MYO9B: variants seen among roughly 807,000 people sequenced by gnomAD.
MYO9B encodes myosin IXB.
Under a neutral mutation model 229.5 loss-of-function variants are expected in MYO9B, and 71 were observed. The observed-to-expected ratio is 0.31, with a 90% CI of 0.26 to 0.38. The LOEUF is 0.38. Ranked by LOEUF, MYO9B falls within the 10% of genes least tolerant of loss-of-function variation. MYO9B has a pLI of 1.00. For missense variants in MYO9B, 2,255 were observed against 2,920.5 expected (o/e 0.77, Z 5.25); for synonymous variants, 1,185 against 1,235.8 (o/e 0.96, Z 0.86).
chr19:17,189,473 A>G (rs1174972807), intron 19 of MYO9B, among the ~76,000 whole-genome samples: 2 of 151,278 alleles, frequency 1.3e-5, no homozygotes, highest in African/African-American at 2.4e-5. Flanking sequence ...CCGTCTCCAC[A>G]TAAAAATACA....
At position 17,195,024 on chromosome 19, in the gene MYO9B, A is replaced by G; in HGVS notation, c.3597A>G (p.Glu1199=). Residue 1199 remains glutamate, a synonymous_variant, in exon 22 of 40, where the codon GAA becomes GAG. Transcript: ENST00000682292. This position sits in a 1 kb window ranked among gnomAD's most constrained non-coding sequence, Gnocchi z 4.5. ...SLLEDKKESR[E]DETLLVVETE... ...TGGAAGACAAAAAGGAGAGCAGAGA[A>G]GATGAAACCCTTCTAGTCGTAGAGA... The G allele has an allele frequency of 6.2e-7, 1 of 1,613,208 alleles. No individual in the cohort carries two copies. The highest frequency in any genetic ancestry group is 8.5e-7 in the Non-Finnish European group (1 of 1,179,884).
chr19:17,113,861 C>T (rs77496210), intron 2 of MYO9B, among the ~76,000 whole-genome samples: 2,751 of 152,228 alleles, frequency 0.018, 39 homozygotes, highest in South Asian at 0.044. Flanking sequence ...GACGAGAAAG[C>T]AGAATAAGCC....
At chr19:17,135,268 A>G (rs1011210182) in intron 2 of MYO9B, among the ~76,000 whole-genome samples, 1 of 95,536 alleles carries the variant, frequency 1.0e-5, no homozygotes, top group African/African-American at 6.0e-5. Flanking sequence ...ATTATAAAAG[A>G]AAAAAAAATG....
intron 10 of MYO9B, among the ~76,000 whole-genome samples, chr19:17,165,710 G>A (rs1016389095): frequency 6.6e-6 from 1 of 152,166 alleles, no homozygotes; most frequent in Non-Finnish European, 1.5e-5. Flanking sequence ...AGGAGTTTGA[G>A]GCTACAGTGA....
chr19:17,110,042 C>CT (rs1334701671), intron 2 of MYO9B, among the ~76,000 whole-genome samples: 2 of 152,154 alleles, frequency 1.3e-5, no homozygotes, highest in African/African-American at 4.8e-5. Flanking sequence ...CCTCTCTGCT[C>CT]TCCCCTCTCT....
rs1169062788 is a variant in MYO9B at position 17,148,818 on chromosome 19, A to G, written c.935+3327A>G. ...AGGTTGGTCTCAAACTCCTGGCCTCAAGTGATCCGCCTGCCTCGGCCTCCC... is the reference window on the plus strand; with the variant it reads ...AGGTTGGTCTCAAACTCCTGGCCTCGAGTGATCCGCCTGCCTCGGCCTCCC... On this transcript the variant is annotated intron_variant, in intron 3 of 39. Transcript: ENST00000682292. Among the ~76,000 whole-genome samples the G allele has an allele frequency of 4.6e-5, 7 of 152,216 alleles. No individual in the cohort carries two copies. In the East Asian group the frequency reaches 1.4e-3, roughly 29 times the overall value.
rs1275231049 is a variant in MYO9B at position 17,169,809 on chromosome 19, T to TCC, written c.1793+1745_1793+1746insCC. The stretch of plus-strand genomic sequence containing the variant: ...TCTCAATCCTGTCTCCTCCTTTTTT[T>TCC]TTTTTTTTTTTTTTTTTTTTTTGAG... On this transcript the variant is annotated intron_variant, in intron 11 of 39. Transcript: ENST00000682292. Among the ~76,000 whole-genome samples, 35 of 131,240 alleles carry TCC rather than the reference T, an allele frequency of 2.7e-4. 3 individuals are homozygous for TCC. The highest frequency in any genetic ancestry group is 7.6e-4 in the African/African-American group (27 of 35,412). 86.1% of individuals were successfully genotyped at this position (131,240 alleles called of 152,430 possible). A position where few individuals can be genotyped will look rare whatever the true frequency, so the allele number is the denominator to read the frequency against.
intron 2 of MYO9B, among the ~76,000 whole-genome samples, chr19:17,119,368 C>T (rs148358541): frequency 4.5e-4 from 69 of 152,276 alleles, no homozygotes; most frequent in African/African-American, 1.6e-3. Flanking sequence ...CTCTCTTCAG[C>T]GACCCTGTGT....
At chr19:17,192,285 A>G (rs1439518023) in intron 20 of MYO9B, among the ~76,000 whole-genome samples, 3 of 34,258 alleles carry the variant, frequency 8.8e-5, no homozygotes, top group Non-Finnish European at 1.3e-4. Context: ...CTCCATCTCA[A>G]AAAAAAAAAA....
At chr19:17,096,970 G>A (rs975237702) in intron 1 of MYO9B, among the ~76,000 whole-genome samples, 2 of 146,960 alleles carry the variant, frequency 1.4e-5, no homozygotes, top group Non-Finnish European at 3.1e-5. Context: ...GATTACAGGC[G>A]TGAGCCACCA....
rs201009683 is a variant in MYO9B, at chr19:17,212,276, G to T, written c.6440G>T (p.Cys2147Phe). 552 of 1,549,664 alleles carry T rather than the reference G, an allele frequency of 3.6e-4. 1 individual carries two copies. The highest frequency in any genetic ancestry group is 1.9e-3 in the Middle Eastern group (11 of 5,844). ...AGGTACTCGGATCCCCCAACGTACT[G>T]CCTGCCCCCCGCCTCGGGCCAGACC... is the stretch of plus-strand genomic sequence containing the variant. The part of the protein sequence containing the change: ...KRRYSDPPTY[C>F]LPPASGQTNG The change falls in exon 40 of 40, where the codon TGC becomes TTC. Residue 2147 changes from cysteine to phenylalanine, a missense_variant. Around this residue, in one of 7 missense-constraint regions of MYO9B, gnomAD observed 331 missense variants for 332.5 expected, o/e 1.00. Transcript: ENST00000682292. The surrounding 1 kb of genome is among the most constrained non-coding windows in gnomAD (Gnocchi z 5.4).
In MYO9B at chr19:17,185,724, C is replaced by T. The variant is rs559760192; in HGVS notation, c.2497-197C>T. On this transcript the variant is annotated intron_variant, in intron 17 of 39. Transcript: ENST00000682292. ...GACCATGGGGACCACATAACTCCCT[C>T]GAGGGTTTCCAGGGATAGCGCAGGC... 7.2e-5 allele frequency among the ~76,000 whole-genome samples: 11 copies of T among 152,200 alleles called. No homozygotes were observed. In the East Asian group the frequency reaches 7.7e-4, roughly 11 times the overall value.
In MYO9B at chr19:17,123,112, T is replaced by A. The variant is rs1276283475; in HGVS notation, c.840+20555T>A. The stretch of plus-strand genomic sequence containing the variant: ...AGTAAATAAATAATAAATAAGTAAA[T>A]AAAATGAAAGGATTTTCAGCTTGGC... On this transcript the variant is annotated intron_variant, in intron 2 of 39. Coordinates refer to ENST00000682292, the MANE Select transcript of MYO9B (RefSeq NM_004145.4). 1.1e-4 allele frequency among the ~76,000 whole-genome samples: 16 copies of A among 152,044 alleles called. 1 individual carries two copies. The highest frequency in any genetic ancestry group is 3.9e-4 in the African/African-American group (16 of 41,478).
At chr19:17,076,161 A>G in intron 1 of MYO9B, among the ~76,000 whole-genome samples, 1 of 148,672 alleles carries the variant, frequency 6.7e-6, no homozygotes, top group Admixed American at 6.7e-5. Context: ...CTTAAGTGGT[A>G]ATTGGGGGGT....
At chr19:17,090,709 G>A (rs2057629606) in intron 1 of MYO9B, among the ~76,000 whole-genome samples, 1 of 152,164 alleles carries the variant, frequency 6.6e-6, no homozygotes. Context: ...CATGAGTCAG[G>A]TGGTAGAGCG....
At chr19:17,111,348 A>G (rs2057846119) in intron 2 of MYO9B, among the ~76,000 whole-genome samples, 3 of 152,216 alleles carry the variant, frequency 2.0e-5, no homozygotes. Flanking sequence ...TTAAGAGCTT[A>G]TGGAGATATA....
chr19:17,211,962 C>T lies in MYO9B; in HGVS notation c.6126C>T (p.Ala2042=). ...PTPSPLPTVA[A]PPRRRPSSFV... is the part of the protein sequence containing the mutation. ...CGAGCCCCCTCCCCACCGTGGCCGC[C>T]CCTCCACGACGAAGGCCGTCGTCCT... Residue 2042 remains alanine (A), a synonymous_variant, in exon 40 of 40, where the codon GCC becomes GCT. Transcript: ENST00000682292. The T allele has an allele frequency of 1.3e-6, 2 of 1,569,352 alleles. No homozygotes were observed. The highest frequency in any genetic ancestry group is 2.3e-5 in the South Asian group (2 of 85,354).
chr19:17,087,045 C>T (rs1457305507), intron 1 of MYO9B, among the ~76,000 whole-genome samples: 1 of 152,130 alleles, frequency 6.6e-6, no homozygotes, highest in Non-Finnish European at 1.5e-5. Context: ...GTGTGTTATC[C>T]GTCTCCTTCA....
intron 2 of MYO9B, among the ~76,000 whole-genome samples, chr19:17,137,279 C>T (rs1278970474): frequency 2.6e-5 from 4 of 151,330 alleles, no homozygotes; most frequent in Non-Finnish European, 4.4e-5. Context: ...GGTCTCAGCT[C>T]CTTAAGAGAC....
Sources: allele counts gnomAD v4.1 joint callset (sites outside exome capture counted in the v4.1 genomes callset), GRCh38; gene constraint gnomAD v4.1.1; regional missense constraint gnomAD v4.1.1; non-coding constraint Gnocchi (gnomAD v3.1); transcripts MANE v1.5; gene names NCBI Gene and HGNC (gene_info 2026-07-23, HGNC 2026-07-21).